The following B3GALT5 variants were observed in gnomAD, a reference collection of about 807,000 sequenced individuals.
B3GALT5 encodes the protein beta-1,3-galactosyltransferase 5, also known as UDP-Gal:betaGlcNAc beta 1,3-galactosyltransferase, polypeptide 5.
For synonymous variants in B3GALT5, 156 were observed against 158.6 expected (o/e 0.98, Z 0.12); for missense variants, 328 against 396.6 (o/e 0.83, Z 1.47).
In B3GALT5 at chr21:39,667,944, G is replaced by A. The variant is rs2146232059; in HGVS notation, c.*6452G>A. ...TCAGTCTCTGCATCTCTATAAAATG[G>A]GATGATAATAGTGTTCACCTCAGAA... On this transcript the variant is annotated 3_prime_UTR_variant, in exon 4 of 4. Transcript: ENST00000684187. 1 of 152,362 alleles carries A rather than the reference G, an allele frequency of 6.6e-6. No individual in the cohort carries two copies. Among genetic ancestry groups the A allele is most frequent in the Non-Finnish European group, 1.5e-5 (1 of 68,040 alleles). The allele number at this position is 152,362 out of a possible 1,614,324, so 9.4% of individuals were successfully genotyped here.
chr21:39,638,714 C>T (rs1382733360), intron 1 of B3GALT5, among the ~76,000 whole-genome samples: 4 of 152,140 alleles, frequency 2.6e-5, no homozygotes, highest in African/African-American at 9.7e-5. Flanking sequence ...GAACACACGC[C>T]CACTGGGGCC....
chr21:39,620,588 A>G (rs952558486), intron 1 of B3GALT5, among the ~76,000 whole-genome samples: 3 of 152,212 alleles, frequency 2.0e-5, no homozygotes, highest in Admixed American at 6.5e-5. Flanking sequence ...GGCCAATGAA[A>G]AGGGAGCTAA....
At chr21:39,656,778 G>A (rs1401188938) in intron 2 of B3GALT5, among the ~76,000 whole-genome samples, 2 of 152,214 alleles carry the variant, frequency 1.3e-5, no homozygotes, top group African/African-American at 4.8e-5. Context: ...GCACGTGCCT[G>A]TGCGGGTAGG....
intron 1 of B3GALT5, among the ~76,000 whole-genome samples, chr21:39,637,528 C>T (rs1030637547): frequency 3.3e-5 from 5 of 152,368 alleles, no homozygotes; most frequent in Non-Finnish European, 5.9e-5. Flanking sequence ...GCGGAAACAG[C>T]TGCCTGGGTG....
chr21:39,660,170 T>C, intron 3 of B3GALT5, among the ~76,000 whole-genome samples: 1 of 152,208 alleles, frequency 6.6e-6, no homozygotes, highest in East Asian at 1.9e-4. Context: ...TACATTTAGA[T>C]CTACAATGCG....
chr21:39,621,278 T>A (rs1349817329), intron 1 of B3GALT5, among the ~76,000 whole-genome samples: 13 of 152,244 alleles, frequency 8.5e-5, no homozygotes, highest in Admixed American at 8.5e-4. Context: ...TTTTTTGATG[T>A]AGCTTTTGAA....
intron 1 of B3GALT5, 32 bp downstream of exon 1, chr21:39,613,099 G>A (rs2079088776): frequency 6.7e-6 from 1 of 148,922 alleles, no homozygotes; most frequent in African/African-American, 2.4e-5. Context: ...CGGGGCGCGG[G>A]GAGCGCTGGC....
rs768270855 is a variant in B3GALT5, at chr21:39,661,466, C to CG, written c.913dup (p.Glu305GlyfsTer20). On this transcript the variant is annotated frameshift_variant, in exon 4 of 4. Coordinates refer to ENST00000684187, the MANE Select transcript of B3GALT5 (RefSeq NM_001356336.2). LOFTEE classifies it high-confidence loss of function. The surrounding 1 kb of genome is among the most constrained non-coding windows in gnomAD (Gnocchi z 4.7). Reference sequence around the variant, plus strand: ...CTACTGGCAGGCTCTAGAGAATTCCCGGGGGGAAGATTGTCCGCCTGTCTG... The same window carrying CG: ...CTACTGGCAGGCTCTAGAGAATTCCCGGGGGGGAAGATTGTCCGCCTGTCTG... The CG allele has an allele frequency of 1.7e-5, 26 of 1,508,894 alleles. No individual in the cohort carries two copies. Among genetic ancestry groups the CG allele is most frequent in the African/African-American group, 4.2e-5 (3 of 71,580 alleles). 93.5% of individuals were successfully genotyped at this position (1,508,894 alleles called of 1,614,324 possible). A position where few individuals can be genotyped will look rare whatever the true frequency, so the allele number is the denominator to read the frequency against.
intron 1 of B3GALT5, among the ~76,000 whole-genome samples, chr21:39,635,254 G>A (rs562772334): frequency 3.3e-5 from 5 of 152,254 alleles, no homozygotes; most frequent in South Asian, 4.1e-4. Flanking sequence ...GGTGAAATCC[G>A]TGGATTTTTC....
chr21:39,629,252 T>C (rs2079179753), intron 1 of B3GALT5, among the ~76,000 whole-genome samples: 1 of 152,206 alleles, frequency 6.6e-6, no homozygotes, highest in Non-Finnish European at 1.5e-5. Flanking sequence ...TGATCTTAAG[T>C]GATCTGCCCG....
intron 1 of B3GALT5, among the ~76,000 whole-genome samples, chr21:39,638,771 C>T (rs1187625282): frequency 6.6e-6 from 1 of 152,138 alleles, no homozygotes; most frequent in Admixed American, 6.5e-5. Flanking sequence ...GGTCAGAGCC[C>T]CACAGCCTGC....
chr21:39,618,486 G>A (rs1179892129), intron 1 of B3GALT5, among the ~76,000 whole-genome samples: 1 of 152,052 alleles, frequency 6.6e-6, no homozygotes, highest in Non-Finnish European at 1.5e-5. Context: ...TTTTGTTATT[G>A]TCATGAGTAT....
chr21:39,624,116 T>G (rs915851254), intron 1 of B3GALT5, among the ~76,000 whole-genome samples: 1 of 152,226 alleles, frequency 6.6e-6, no homozygotes, highest in African/African-American at 2.4e-5. Context: ...ATCATTTCTC[T>G]TAAGTCTCCT....
chr21:39,617,079 C>T (rs2079110743), intron 1 of B3GALT5, among the ~76,000 whole-genome samples: 1 of 152,166 alleles, frequency 6.6e-6, no homozygotes, highest in African/African-American at 2.4e-5. Flanking sequence ...CTCCCTCTGT[C>T]CCCTCCCTAG....
rs910703322 is a variant in B3GALT5 at position 39,657,736 on chromosome 21, C to T, written c.-160-2017C>T. On this transcript the variant is annotated intron_variant, in intron 2 of 3. Coordinates refer to ENST00000684187, the MANE Select transcript of B3GALT5 (RefSeq NM_001356336.2). ...GCCTATCTATCTTTTGATTAATCTA[C>T]CTATCAATCTTTCTATCTATCCATA... 1.7e-5 allele frequency: 11 copies of T among 637,584 alleles called. No homozygotes were observed. In the African/African-American group the frequency reaches 2.1e-4, roughly 12 times the overall value. The allele number at this position is 637,584 out of a possible 1,614,324, so 39.5% of individuals were successfully genotyped here.
intron 1 of B3GALT5, among the ~76,000 whole-genome samples, chr21:39,639,456 T>TTTCTTTCTTTC (rs1569212601): frequency 3.9e-5 from 3 of 77,518 alleles, no homozygotes; most frequent in African/African-American, 1.1e-4. Context: ...TTCTTTCTTT[T>TTTCTTTCTTTC]TTTCTTTCTC....
rs1295632495 is a variant in B3GALT5 at position 39,659,843 on chromosome 21, C to A, written c.-70C>A. On this transcript the variant is annotated 5_prime_UTR_variant, in exon 3 of 4. Coordinates refer to ENST00000684187, the MANE Select transcript of B3GALT5 (RefSeq NM_001356336.2). ...ATTCTACACTGACAGTTCTTTGAGA[C>A]AAATTTCCTCTTGGCATTTACACTG... 3 of 984,806 alleles carry A rather than the reference C, an allele frequency of 3.0e-6. No individual in the cohort carries two copies. The highest frequency in any genetic ancestry group is 2.3e-4 in the East Asian group (2 of 8,804). 61.0% of individuals were successfully genotyped at this position (984,806 alleles called of 1,614,324 possible). A position where few individuals can be genotyped will look rare whatever the true frequency, so the allele number is the denominator to read the frequency against.
At chr21:39,642,221 C>T (rs549694547) in intron 1 of B3GALT5, among the ~76,000 whole-genome samples, 6 of 152,216 alleles carry the variant, frequency 3.9e-5, no homozygotes, top group South Asian at 4.2e-4. Context: ...GAGCTAGGCA[C>T]GAGAATTATT....
rs2079503954 is a variant in B3GALT5, at chr21:39,660,611, G to T, written c.52G>T (p.Ala18Ser). Residue 18 changes from alanine (A) to serine (S), a missense_variant, in exon 4 of 4, where the codon GCT becomes TCT. Physicochemically the swap from Ala to Ser is moderately conservative, Grantham distance 99. Transcript: ENST00000684187. The stretch of plus-strand genomic sequence containing the variant: ...GTATATTTGCCTTCTGGTTCTGGGG[G>T]CTCTTTGTTTGTATTTTAGCATGTA... The part of the protein sequence containing the change: ...LMYICLLVLG[A>S]LCLYFSMYSL... 2.1e-6 allele frequency: 3 copies of T among 1,450,476 alleles called. No individual in the cohort carries two copies. Among genetic ancestry groups the T allele is most frequent in the Non-Finnish European group, 2.7e-6 (3 of 1,099,614 alleles). 89.9% of individuals were successfully genotyped at this position (1,450,476 alleles called of 1,614,324 possible).
Sources: gnomAD v4.1 joint callset for allele counts (sites outside exome capture counted in the v4.1 genomes callset) on GRCh38, gnomAD v4.1.1 for gene constraint, Gnocchi (gnomAD v3.1) non-coding constraint, MANE v1.5 for transcripts, NCBI Gene and HGNC (gene_info 2026-07-23, HGNC 2026-07-21) for gene names.